Variants in NUP37 observed in about 807,000 individuals in gnomAD.
NUP37 encodes nucleoporin Nup37.
In NUP37, 33 loss-of-function variants were observed where a neutral mutation model predicts 45.4. The ratio of observed to expected loss-of-function variants is 0.73; its 90% CI spans 0.55 to 0.97. The LOEUF (loss-of-function observed/expected upper bound fraction) is 0.97. NUP37 is among the 50% of genes least tolerant of loss of function. The probability of loss-of-function intolerance (pLI) is 0.00; values close to 1 mark genes in which losing one functional copy is unlikely to be tolerated. For synonymous variants in NUP37, 127 were observed against 130.7 expected, an observed-to-expected ratio of 0.97 and a Z score of 0.19; for missense variants, 365 against 389.7, an observed-to-expected ratio of 0.94 and a Z score of 0.53.
rs536990336 is a variant in NUP37 at position 102,116,943 on chromosome 12, A to G, written c.156+1420T>C. Among the ~76,000 whole-genome samples, 253 of 152,322 alleles carry G rather than the reference A, an allele frequency of 1.7e-3. 1 individual carries two copies. Among genetic ancestry groups the G allele is most frequent in the Non-Finnish European group, 2.8e-3 (188 of 68,028 alleles). ...CTTGACCTCGGGAGGCAGAGGTTGC[A>G]GTGAGCAGAGATCGCACCACTGCAC... On this transcript the variant is annotated intron_variant, in intron 2 of 9. Coordinates refer to ENST00000552283, the MANE Select transcript of NUP37 (RefSeq NM_024057.4).
At chr12:102,109,268 A>G (rs1219697285) in intron 3 of NUP37, among the ~76,000 whole-genome samples, 3 of 152,214 alleles carry the variant, frequency 2.0e-5, no homozygotes, top group African/African-American at 7.2e-5. Context: ...AGAGAATTTA[A>G]GGCAACTACA....
intron 6 of NUP37, among the ~76,000 whole-genome samples, chr12:102,080,282 C>G (rs772242199): frequency 1.3e-5 from 2 of 152,094 alleles, no homozygotes; most frequent in Admixed American, 1.3e-4. Flanking sequence ...ATTAGCCAGG[C>G]GAGGTGGCAA....
At position 102,118,592 on chromosome 12, in the gene NUP37, T is replaced by TAG; in HGVS notation, c.-65-11_-65-10dup. The TAG allele has an allele frequency of 1.5e-6, 2 of 1,348,090 alleles. No homozygotes were observed. The allele number at this position is 1,348,090 out of a possible 1,614,324, so 83.5% of individuals were successfully genotyped here. ...TGGACAAGGTCACGAAACTGTGGAT[T>TAG]AGAGCACAGGTACAATTACAATGGT... On this transcript the variant is annotated splice_polypyrimidine_tract_variant and intron_variant, in intron 1 of 9. Coordinates refer to ENST00000552283, the MANE Select transcript of NUP37 (RefSeq NM_024057.4).
intron 3 of NUP37, among the ~76,000 whole-genome samples, chr12:102,108,110 TTCTGGGTGTA>T (rs1880208232): frequency 1.3e-5 from 2 of 152,180 alleles, no homozygotes. Flanking sequence ...ATCTGGGTGT[TTCTGGGTGTA>T]TCTGGGTGTC....
chr12:102,098,033 G>A (rs1178759457), intron 5 of NUP37, among the ~76,000 whole-genome samples: 3 of 152,140 alleles, frequency 2.0e-5, no homozygotes, highest in Admixed American at 1.3e-4. Context: ...ATGTACATAA[G>A]TACTAATAAA....
intron 6 of NUP37, among the ~76,000 whole-genome samples, chr12:102,080,614 G>T (rs572358853): frequency 7.9e-5 from 12 of 152,232 alleles, no homozygotes; most frequent in African/African-American, 2.6e-4. Flanking sequence ...AATTACTATC[G>T]TTAATCCCAT....
chr12:102,107,041 C>T (rs1357982478), intron 3 of NUP37, among the ~76,000 whole-genome samples: 1 of 152,086 alleles, frequency 6.6e-6, no homozygotes, highest in Admixed American at 6.6e-5. Context: ...GCATTTCTTC[C>T]CTGCTATATA....
chr12:102,074,751 G>A (rs1879120208), intron 9 of NUP37: 1 of 432,708 alleles, frequency 2.3e-6, no homozygotes, highest in Non-Finnish European at 4.0e-6. Context: ...AAATATAAAA[G>A]CAACAGAATA....
chr12:102,091,014 C>T (rs562857967), intron 5 of NUP37, among the ~76,000 whole-genome samples: 39 of 152,268 alleles, frequency 2.6e-4, no homozygotes, highest in African/African-American at 9.4e-4. Context: ...TTTAATATTT[C>T]CAAAATTATT....
chr12:102,112,238 C>T lies in NUP37; in HGVS notation c.157-6G>A. The T allele has an allele frequency of 6.2e-7, 1 of 1,606,350 alleles. No homozygotes were observed. The highest frequency in any genetic ancestry group is 1.1e-5 in the South Asian group (1 of 90,174). The stretch of plus-strand genomic sequence containing the variant: ...TCAACGTCTGCTTCTTCTTCCTAAG[C>T]ATACACAGTAAATGTTTTAATAAGT... On this transcript the variant is annotated splice_region_variant and splice_polypyrimidine_tract_variant and intron_variant, in intron 2 of 9. Coordinates refer to ENST00000552283, the MANE Select transcript of NUP37 (RefSeq NM_024057.4).
intron 5 of NUP37, among the ~76,000 whole-genome samples, chr12:102,086,645 C>A (rs12425639): frequency 6.6e-6 from 1 of 152,144 alleles, no homozygotes; most frequent in Admixed American, 6.5e-5. Flanking sequence ...GGCACCATGT[C>A]GTGAGAATGC....
At chr12:102,089,499 A>G (rs1270415173) in intron 5 of NUP37, among the ~76,000 whole-genome samples, 35 of 108,604 alleles carry the variant, frequency 3.2e-4, no homozygotes, top group African/African-American at 4.7e-4. Context: ...CGGGGCAGCC[A>G]GGCAGAGACG....
At chr12:102,077,049 CAG>C (rs1222110193) in intron 7 of NUP37, 3 of 608,272 alleles carry the variant, frequency 4.9e-6, no homozygotes, top group Non-Finnish European at 8.7e-6. Flanking sequence ...CATCATGCAA[CAG>C]GGTCAGTGTT....
intron 3 of NUP37, among the ~76,000 whole-genome samples, chr12:102,107,939 C>T (rs1221022720): frequency 1.3e-5 from 2 of 152,184 alleles, no homozygotes; most frequent in African/African-American, 4.8e-5. Context: ...GGCACACTGG[C>T]AGCCTCAAGT....
At chr12:102,091,029 T>C (rs994042957) in intron 5 of NUP37, among the ~76,000 whole-genome samples, 2 of 152,186 alleles carry the variant, frequency 1.3e-5, no homozygotes, top group South Asian at 4.1e-4. Context: ...ATTATTACTA[T>C]TGCAAAGTCA....
intron 5 of NUP37, among the ~76,000 whole-genome samples, chr12:102,088,195 G>C (rs565769542): frequency 6.6e-6 from 1 of 152,298 alleles, no homozygotes; most frequent in African/African-American, 2.4e-5. Context: ...CACAATTTAA[G>C]TTGTTAAGTC....
chr12:102,104,670 T>C (rs1880073649), intron 3 of NUP37, among the ~76,000 whole-genome samples: 1 of 152,222 alleles, frequency 6.6e-6, no homozygotes, highest in African/African-American at 2.4e-5. Flanking sequence ...TGCATGATAC[T>C]CAGTTTATTC....
chr12:102,119,602 TATGTACTGAGA>T (rs753596844), intron 1 of NUP37, among the ~76,000 whole-genome samples: 9 of 151,944 alleles, frequency 5.9e-5, no homozygotes, highest in Middle Eastern at 6.8e-3. Context: ...ACCTTAAGAG[TATGTACTGAGA>T]ATGAGTCCCA....
intron 2 of NUP37, among the ~76,000 whole-genome samples, chr12:102,112,850 T>C (rs138088621): frequency 3.2e-3 from 485 of 152,324 alleles, no homozygotes; most frequent in African/African-American, 0.01. Context: ...GCATTATATG[T>C]GTGTAAGATG....
Sources: gnomAD v4.1 joint callset for allele counts (sites outside exome capture counted in the v4.1 genomes callset) on GRCh38, gnomAD v4.1.1 for gene constraint, MANE v1.5 for transcripts, NCBI Gene and HGNC (gene_info 2026-07-23, HGNC 2026-07-21) for gene names.